DNAJB4: variants seen among roughly 807,000 people sequenced by gnomAD.
DNAJB4 encodes the protein DnaJ heat shock protein family (Hsp40) member B4.
Under a neutral mutation model 26.6 loss-of-function variants are expected in DNAJB4, and 10 were observed. That is an observed-to-expected ratio of 0.38 (90% CI 0.23 to 0.64). DNAJB4 has a LOEUF of 0.64. Among genes scored for constraint, DNAJB4 ranks in the 30% least tolerant of loss-of-function variants. The pLI, the probability that DNAJB4 is intolerant of heterozygous loss-of-function variation, is 0.58. For synonymous variants in DNAJB4, 136 were observed against 134.8 expected (o/e 1.01, Z -0.06); for missense variants, 328 against 408.2 (o/e 0.80, Z 1.69).
chr1:78,003,976 A>G (rs11162405), upstream of DNAJB4, among the ~76,000 whole-genome samples: 56,962 of 152,086 alleles, frequency 0.37, 10,927 homozygotes, highest in East Asian at 0.54. Flanking sequence ...CAATGAATAT[A>G]TATTTATAAT....
chr1:78,013,264 A>G lies in DNAJB4; in HGVS notation c.425A>G (p.Tyr142Cys). ...FSAFGFSMNGYPRDRNSVGPS... is the reference protein window; with the variant it reads ...FSAFGFSMNGCPRDRNSVGPS... ...GCCTTTGGTTTCAGCATGAATGGAT[A>G]TCCAAGAGACAGGAATTCTGTGGGG... The change falls in exon 2 of 3, where the codon TAT (tyrosine) becomes TGT (cysteine). Residue 142 changes from tyrosine to cysteine, a missense_variant. Transcript: ENST00000370763. 6.2e-7 allele frequency: 1 copy of G among 1,614,138 alleles called. No individual in the cohort carries two copies. The highest frequency in any genetic ancestry group is 8.5e-7 in the Non-Finnish European group (1 of 1,179,986).
At chr1:78,015,587 T>C (rs1225115431) in intron 2 of DNAJB4, among the ~76,000 whole-genome samples, 1 of 149,864 alleles carries the variant, frequency 6.7e-6, no homozygotes, top group Non-Finnish European at 1.5e-5. Context: ...TTTGCTCTTG[T>C]TGCCCAGGCT....
rs1359049973 is a variant in DNAJB4, at chr1:78,017,004, TTAAAG to T, written c.*761_*765del. On this transcript the variant is annotated 3_prime_UTR_variant, in exon 3 of 3. Coordinates refer to ENST00000370763, the MANE Select transcript of DNAJB4 (RefSeq NM_007034.5). Reference sequence around the variant, plus strand: ...TAGGCTCATTTTGTTCTCTGCTAGTTTAAAGTAATTCGTTTAATAATAGATGTGTT... The same window carrying T: ...TAGGCTCATTTTGTTCTCTGCTAGTTTAATTCGTTTAATAATAGATGTGTT... The T allele has an allele frequency of 3.3e-5, 5 of 152,238 alleles. No individual in the cohort carries two copies. The East Asian group carries it at 9.6e-4, about 29-fold the overall frequency. 9.4% of individuals were successfully genotyped at this position (152,238 alleles called of 1,614,324 possible). A position where few individuals can be genotyped will look rare whatever the true frequency, so the allele number is the denominator to read the frequency against.
intron 1 of DNAJB4, chr1:77,992,739 T>G (rs900959696): frequency 2.6e-5 from 4 of 152,050 alleles, no homozygotes; most frequent in Non-Finnish European, 4.4e-5. Flanking sequence ...CCTTTATTCT[T>G]TTTTTTTGAG....
At chr1:78,000,174 A>G (rs1660157567), upstream of DNAJB4, among the ~76,000 whole-genome samples, 1 of 152,122 alleles carries the variant, frequency 6.6e-6, no homozygotes. Flanking sequence ...ATAAATAAGA[A>G]CATTTTGTTA....
intron 1 of DNAJB4, chr1:77,981,199 G>T (rs545307587): frequency 2.2e-5 from 3 of 137,026 alleles, no homozygotes; most frequent in Non-Finnish European, 4.6e-5. Flanking sequence ...TCGCTCTGTT[G>T]CCCAGGCTGG....
intron 1 of DNAJB4, among the ~76,000 whole-genome samples, chr1:78,008,266 CAT>C (rs149174020): frequency 0.047 from 7,191 of 152,228 alleles, 226 homozygotes; most frequent in East Asian, 0.11. Context: ...GAAACAAAAA[CAT>C]GTCCACACAA....
intron 1 of DNAJB4, 54 bp downstream of exon 1, chr1:78,005,375 TTTCTC>T (rs1408164085): frequency 7.4e-7 from 1 of 1,354,002 alleles, no homozygotes; most frequent in Non-Finnish European, 9.6e-7. Context: ...CTTTTTTTTT[TTTCTC>T]TCTCTCTGCC....
Position 78,013,591 on chromosome 1 carries a change from T to C in DNAJB4, c.752T>C (p.Ile251Thr), listed in dbSNP as rs745404922. ...TTTAAAAGGGATGGATCAAATATAA[T>C]TTATACTGCTAAAATTAGTTTACGA... The part of the protein sequence containing the change: ...PKFKRDGSNI[I>T]YTAKISLREA... The change falls in exon 2 of 3, where the codon ATT (isoleucine) becomes ACT (threonine). Residue 251 changes from isoleucine (I) to threonine (T), a missense_variant. Ile to Thr is a moderately conservative substitution (Grantham distance 89, BLOSUM62 -1). Transcript: ENST00000370763. The C allele has an allele frequency of 1.1e-5, 18 of 1,596,396 alleles. No homozygotes were observed. Among genetic ancestry groups the C allele is most frequent in the Non-Finnish European group, 1.3e-5 (15 of 1,175,634 alleles).
Position 77,983,396 on chromosome 1 carries a change from ATCC to A in DNAJB4, c.-32+3080_-32+3082del, listed in dbSNP as rs1230087257. Among the ~76,000 whole-genome samples, 7 of 152,102 alleles carry A rather than the reference ATCC, an allele frequency of 4.6e-5. No homozygotes were observed. In the South Asian group the frequency reaches 6.2e-4, roughly 14 times the overall value. ...AGAGGCATGCCTTCCTCTTATACTAATCCTCCTCAGCACAGACCCTTTACGGGT... is the reference window on the plus strand; with the variant it reads ...AGAGGCATGCCTTCCTCTTATACTAATCCTCAGCACAGACCCTTTACGGGT... On this transcript the variant is annotated intron_variant, in intron 1 of 2. Transcript: ENST00000426517.
chr1:78,015,120 C>T (rs1660600136), intron 2 of DNAJB4, among the ~76,000 whole-genome samples: 1 of 152,182 alleles, frequency 6.6e-6, no homozygotes, highest in African/African-American at 2.4e-5. Context: ...GGCTAGTTTG[C>T]TTCTATGTTT....
At position 78,013,553 on chromosome 1, in the gene DNAJB4, A is replaced by G; in HGVS notation, c.714A>G (p.Lys238=). 1 of 1,611,210 alleles carries G rather than the reference A, an allele frequency of 6.2e-7. No homozygotes were observed. Among genetic ancestry groups the G allele is most frequent in the Non-Finnish European group, 8.5e-7 (1 of 1,179,536 alleles). Residue 238 remains lysine, a synonymous_variant, in exon 2 of 3, where the codon AAA becomes AAG. Transcript: ENST00000370763. Reference sequence around the variant, plus strand: ...ACATTGTTTTTATCATTAAAGACAAAGATCATCCAAAATTTAAAAGGGATG... The same window carrying G: ...ACATTGTTTTTATCATTAAAGACAAGGATCATCCAAAATTTAAAAGGGATG... The part of the protein sequence containing the change: ...PADIVFIIKD[K]DHPKFKRDGS...
At chr1:78,015,619 G>A (rs1660620985) in intron 2 of DNAJB4, among the ~76,000 whole-genome samples, 1 of 136,844 alleles carries the variant, frequency 7.3e-6, no homozygotes. Flanking sequence ...GCACGATCTC[G>A]GCTCACTGCA....
At chr1:78,001,007 T>C (rs1023430915), upstream of DNAJB4, among the ~76,000 whole-genome samples, 4 of 144,572 alleles carry the variant, frequency 2.8e-5, no homozygotes, top group South Asian at 4.5e-4. Context: ...AAAAAAGAAA[T>C]TTCAGGGTCC....
At chr1:77,982,773 G>T (rs188988992) in intron 1 of DNAJB4, among the ~76,000 whole-genome samples, 1 of 152,332 alleles carries the variant, frequency 6.6e-6, no homozygotes, top group Admixed American at 6.5e-5. Context: ...ACTCCATCCT[G>T]GGTGACACAG....
chr1:77,995,559 C>T (rs960686849), intron 1 of DNAJB4, among the ~76,000 whole-genome samples: 1 of 152,120 alleles, frequency 6.6e-6, no homozygotes, highest in African/African-American at 2.4e-5. Context: ...CTCAAGTGAT[C>T]CTCCTGCCTC....
Position 78,013,386 on chromosome 1 carries a change from C to A in DNAJB4, c.547C>A (p.Arg183=). The A allele has an allele frequency of 6.2e-7, 1 of 1,613,962 alleles. No homozygotes were observed. Among genetic ancestry groups the A allele is most frequent in the South Asian group, 1.1e-5 (1 of 91,052 alleles). The change falls in exon 2 of 3, where the codon CGA becomes AGA. Residue 183 remains arginine, a synonymous_variant. Coordinates refer to ENST00000370763, the MANE Select transcript of DNAJB4 (RefSeq NM_007034.5). ...TTGTACCAAACGGATGAAGATTTCTCGAAAAAGGCTAAACGCTGATGGAAG... is the reference window on the plus strand; with the variant it reads ...TTGTACCAAACGGATGAAGATTTCTAGAAAAAGGCTAAACGCTGATGGAAG... ...SGCTKRMKIS[R]KRLNADGRSY...
chr1:78,013,089 G>A lies in DNAJB4; in HGVS notation c.250G>A (p.Gly84Ser). ...AGCAGGAGGTACTGATGGACAAGGA[G>A]GTACCTTCCGGTACACCTTTCATGG... ...GGAGGTDGQG[G>S]TFRYTFHGDP... Residue 84 changes from glycine to serine, a missense_variant, in exon 2 of 3, where the codon GGT (glycine) becomes AGT (serine). Coordinates refer to ENST00000370763, the MANE Select transcript of DNAJB4 (RefSeq NM_007034.5). The A allele has an allele frequency of 6.2e-7, 1 of 1,613,432 alleles. No homozygotes were observed. Among genetic ancestry groups the A allele is most frequent in the Non-Finnish European group, 8.5e-7 (1 of 1,179,580 alleles).
chr1:77,985,134 A>G (rs1275589029), intron 1 of DNAJB4, among the ~76,000 whole-genome samples: 1 of 152,184 alleles, frequency 6.6e-6, no homozygotes, highest in African/African-American at 2.4e-5. Context: ...TTTACTGACA[A>G]CATTTACTGA....
Sources: gnomAD v4.1 joint callset for allele counts (sites outside exome capture counted in the v4.1 genomes callset) on GRCh38, gnomAD v4.1.1 for gene constraint, MANE v1.5 for transcripts, NCBI Gene and HGNC (gene_info 2026-07-23, HGNC 2026-07-21) for gene names.